Variants in CPNE4 observed in about 807,000 individuals in gnomAD.
The protein encoded by CPNE4 is copine 4, also known as copine-4.
Under a neutral mutation model 67.9 loss-of-function variants are expected in CPNE4, and 25 were observed. The observed-to-expected ratio is 0.37, with a 90% CI of 0.27 to 0.51. The LOEUF (loss-of-function observed/expected upper bound fraction) is 0.51. Among genes scored for constraint, CPNE4 ranks in the 20% least tolerant of loss-of-function variants. The pLI, the probability that CPNE4 is intolerant of heterozygous loss-of-function variation, is 0.93. For synonymous variants in CPNE4, 242 were observed against 244.9 expected (o/e 0.99, Z 0.11); for missense variants, 464 against 690.8 (o/e 0.67, Z 3.68).
chr3:131,796,284 T>C (rs982628650), intron 2 of CPNE4, among the ~76,000 whole-genome samples: 7 of 152,196 alleles, frequency 4.6e-5, no homozygotes, highest in Admixed American at 2.0e-4. Flanking sequence ...TCAGCCTCGT[T>C]AACGACGTAG....
Position 131,587,904 on chromosome 3 carries a change from G to A in CPNE4, c.682-322C>T, listed in dbSNP as rs3748808. On this transcript the variant is annotated intron_variant, in intron 7 of 15. Coordinates refer to ENST00000429747, the MANE Select transcript of CPNE4 (RefSeq NM_130808.3). ...AGTGAATGAAAACCTGGGACTTGAA[G>A]GCAGGTGCCCTGCTTCCAATTCCAG... Among the ~76,000 whole-genome samples, 130 of 152,302 alleles carry A rather than the reference G, an allele frequency of 8.5e-4. 1 individual carries two copies. The East Asian group carries it at 0.024, about 29-fold the overall frequency.
At chr3:131,762,680 C>T (rs139398291) in intron 2 of CPNE4, among the ~76,000 whole-genome samples, 5 of 152,158 alleles carry the variant, frequency 3.3e-5, no homozygotes, top group African/African-American at 1.2e-4. Flanking sequence ...AATTCTATAA[C>T]TGCCCCTTGA....
chr3:131,779,918 A>G (rs2083391355), intron 2 of CPNE4, among the ~76,000 whole-genome samples: 1 of 152,184 alleles, frequency 6.6e-6, no homozygotes, highest in South Asian at 2.1e-4. Flanking sequence ...AAATGGGAGA[A>G]AATATTTGCA....
chr3:131,864,927 A>G (rs1392088280), intron 2 of CPNE4, among the ~76,000 whole-genome samples: 5 of 151,968 alleles, frequency 3.3e-5, no homozygotes, highest in Admixed American at 6.6e-5. Flanking sequence ...GGGTTGTTGA[A>G]TTTTGTCAAA....
At chr3:131,780,931 A>G (rs1362803237) in intron 2 of CPNE4, among the ~76,000 whole-genome samples, 7 of 152,068 alleles carry the variant, frequency 4.6e-5, no homozygotes, top group African/African-American at 1.4e-4. Flanking sequence ...AACAGCACCT[A>G]GAGCACAGCT....
At chr3:131,950,420 AC>A (rs2071688509) in intron 1 of CPNE4, among the ~76,000 whole-genome samples, 1 of 152,148 alleles carries the variant, frequency 6.6e-6, no homozygotes. Flanking sequence ...AAAAGCACAG[AC>A]CTTTGAAAAT....
At chr3:131,723,266 A>T (rs566244783) in intron 3 of CPNE4, among the ~76,000 whole-genome samples, 180 bp downstream of exon 3, 1 of 152,352 alleles carries the variant, frequency 6.6e-6, no homozygotes, top group East Asian at 1.9e-4. Context: ...AGACTTGCAG[A>T]ATCATCTCTA....
chr3:131,773,033 G>A (rs1430431770), intron 2 of CPNE4, among the ~76,000 whole-genome samples: 1 of 152,072 alleles, frequency 6.6e-6, no homozygotes, highest in East Asian at 1.9e-4. Flanking sequence ...CAAAGGGATA[G>A]AATTAGTTAA....
rs550449353 is a variant in CPNE4 at position 131,795,446 on chromosome 3, C to T, written c.181-71821G>A. Among the ~76,000 whole-genome samples the T allele has an allele frequency of 9.9e-5, 15 of 152,246 alleles. No homozygotes were observed. In the South Asian group the frequency reaches 2.7e-3, roughly 27 times the overall value. ...AGGTCAGACATTCCTTGTAATATCC[C>T]CTCCCTTGATAATCACCATTAAGCT... On this transcript the variant is annotated intron_variant, in intron 2 of 15. Transcript: ENST00000429747.
chr3:131,789,464 C>G (rs1482630125), intron 2 of CPNE4, among the ~76,000 whole-genome samples: 1 of 152,184 alleles, frequency 6.6e-6, no homozygotes, highest in Non-Finnish European at 1.5e-5. Context: ...TCTGCTACCA[C>G]TAGTTGTGAA....
At chr3:131,880,581 C>T (rs2087636435) in intron 2 of CPNE4, among the ~76,000 whole-genome samples, 2 of 152,120 alleles carry the variant, frequency 1.3e-5, no homozygotes, top group Admixed American at 6.5e-5. Context: ...GGCCAGATCC[C>T]TTGTGAAAAC....
intron 1 of CPNE4, among the ~76,000 whole-genome samples, chr3:131,950,869 A>T (rs2071701526): frequency 1.3e-5 from 2 of 152,218 alleles, no homozygotes; most frequent in African/African-American, 4.8e-5. Context: ...TCCGAGGCAC[A>T]TAAAATGTCA....
intron 2 of CPNE4, among the ~76,000 whole-genome samples, chr3:131,821,959 C>T (rs2084976145): frequency 6.6e-6 from 1 of 152,142 alleles, no homozygotes; most frequent in Non-Finnish European, 1.5e-5. Flanking sequence ...TTACCAGTAG[C>T]AGTGTAATGT....
At chr3:131,752,332 T>C (rs1047891925) in intron 2 of CPNE4, among the ~76,000 whole-genome samples, 5 of 152,190 alleles carry the variant, frequency 3.3e-5, no homozygotes, top group Non-Finnish European at 5.9e-5. Flanking sequence ...AGAGTAATTA[T>C]TGTCTAGAAC....
At chr3:131,976,456 G>T (rs942541371) in intron 1 of CPNE4, among the ~76,000 whole-genome samples, 1 of 152,072 alleles carries the variant, frequency 6.6e-6, no homozygotes, top group African/African-American at 2.4e-5. Flanking sequence ...AAAGACTTTG[G>T]TTTTTATTAT....
chr3:131,970,791 G>A (rs1032071246), intron 1 of CPNE4, among the ~76,000 whole-genome samples: 3 of 152,148 alleles, frequency 2.0e-5, no homozygotes, highest in Non-Finnish European at 2.9e-5. Context: ...TGTATGTGTA[G>A]GGGTTAGTGG....
At chr3:131,732,873 T>G (rs2082159225) in intron 2 of CPNE4, among the ~76,000 whole-genome samples, 1 of 152,208 alleles carries the variant, frequency 6.6e-6, no homozygotes, top group Non-Finnish European at 1.5e-5. Context: ...TATGGGCTTT[T>G]AAAACTTTGA....
At chr3:131,876,653 A>AAGAAAGAAAG (rs2087469707) in intron 2 of CPNE4, among the ~76,000 whole-genome samples, 4 of 140,678 alleles carry the variant, frequency 2.8e-5, no homozygotes, top group Non-Finnish European at 4.6e-5. Context: ...AAAAAAAAAA[A>AAGAAAGAAAG]AAAGAAAGAA....
intron 2 of CPNE4, among the ~76,000 whole-genome samples, chr3:131,761,723 G>T (rs1180242375): frequency 6.6e-6 from 1 of 151,942 alleles, no homozygotes; most frequent in East Asian, 1.9e-4. Context: ...CTTCTCTTGG[G>T]ACCCTAGAAC....
Sources: allele counts gnomAD v4.1 joint callset (sites outside exome capture counted in the v4.1 genomes callset), GRCh38; gene constraint gnomAD v4.1.1; transcripts MANE v1.5; gene names NCBI Gene and HGNC (gene_info 2026-07-23, HGNC 2026-07-21).